SIK3: variants seen among roughly 807,000 people sequenced by gnomAD.
SIK3 encodes SIK family kinase 3, also known as serine/threonine-protein kinase SIK3.
SIK3 carries 28 observed loss-of-function variants against 144.2 expected under a neutral mutation model. That is an observed-to-expected ratio of 0.19 (90% CI 0.14 to 0.27). SIK3 has a LOEUF of 0.27. Ranked by LOEUF, SIK3 falls within the 10% of genes least tolerant of loss-of-function variation. The pLI is 1.00. For missense variants in SIK3, 1,319 were observed against 1,776.0 expected, an observed-to-expected ratio of 0.74 and a Z score of 4.62; for synonymous variants, 686 against 676.3, an observed-to-expected ratio of 1.01 and a Z score of -0.22.
At position 117,030,106 on chromosome 11, in the gene SIK3, C is replaced by T. The variant is rs116566236; in HGVS notation, c.273+68037G>A. Among the ~76,000 whole-genome samples the T allele has an allele frequency of 3.5e-3, 531 of 152,124 alleles. 5 individuals are homozygous for T. The highest frequency in any genetic ancestry group is 0.012 in the African/African-American group (512 of 41,502). On this transcript the variant is annotated intron_variant, in intron 1 of 24. Transcript: ENST00000445177. The stretch of plus-strand genomic sequence containing the variant: ...GGAAACCTTGAGTGAAGGTGAGTAA[C>T]ATGAACATTTATTTTCCTAGAGAAA...
intron 1 of SIK3, among the ~76,000 whole-genome samples, chr11:117,043,880 T>C (rs1160400500): frequency 6.6e-6 from 1 of 152,244 alleles, no homozygotes; most frequent in Non-Finnish European, 1.5e-5. Flanking sequence ...TAACATTTAG[T>C]GCAGTACCTG....
Position 116,896,343 on chromosome 11 carries a change from C to T in SIK3, c.775G>A (p.Gly259Ser). ...GTGCTTCCATCAAATGGCAGGGCAC[C>T]GCACACAAGCACGTAGAGGACAACT... ...LGVVLYVLVC[G>S]ALPFDGSTLQ... is the part of the protein sequence containing the mutation. Residue 259 changes from glycine (G) to serine (S), a missense_variant, in exon 6 of 25, where the codon GGT (glycine) becomes AGT (serine). Physicochemically the swap from Gly to Ser is moderately conservative, Grantham distance 56. This residue lies in a region of SIK3 where 125 missense variants were observed against 285.2 expected (regional missense o/e 0.44). Coordinates refer to ENST00000445177, the MANE Select transcript of SIK3 (RefSeq NM_001366686.3). 1.2e-6 allele frequency: 2 copies of T among 1,613,926 alleles called. No homozygotes were observed. Among genetic ancestry groups the T allele is most frequent in the Non-Finnish European group, 1.7e-6 (2 of 1,179,908 alleles).
At chr11:116,873,352 G>T in intron 13 of SIK3, 129 bp downstream of exon 13, 2 of 1,255,548 alleles carry the variant, frequency 1.6e-6, no homozygotes, top group Non-Finnish European at 1.1e-6. Flanking sequence ...AAATGGGCTG[G>T]AGCATCCTAA....
At chr11:116,953,103 AACACACAC>A in intron 3 of SIK3, among the ~76,000 whole-genome samples, 1 of 151,366 alleles carries the variant, frequency 6.6e-6, no homozygotes, top group South Asian at 2.1e-4. Flanking sequence ...TAAAAACACA[AACACACAC>A]ACACACACAT....
In SIK3 at chr11:116,863,692, G is replaced by A; in HGVS notation, c.2079C>T (p.Asn693=). 7 of 1,614,160 alleles carry A rather than the reference G, an allele frequency of 4.3e-6. No homozygotes were observed. The highest frequency in any genetic ancestry group is 2.2e-5 in the South Asian group (2 of 91,082). The change falls in exon 16 of 25, where the codon AAC becomes AAT. Residue 693 remains asparagine (N), a synonymous_variant. Transcript: ENST00000445177. ...FKAHLEKMGN[N]SSIKQLQQEC... is the part of the protein sequence containing the mutation. ...CCTGCTGCAGCTGTTTGATGCTGCT[G>A]TTGTTGCCCATTTTTTCCAGGTGAG...
intron 1 of SIK3, among the ~76,000 whole-genome samples, chr11:116,976,433 TC>T (rs1360802928): frequency 6.6e-6 from 1 of 152,250 alleles, no homozygotes; most frequent in Non-Finnish European, 1.5e-5. Flanking sequence ...CCAACTTCAT[TC>T]TTTTGAACAT....
chr11:116,936,890 G>C (rs954779276), intron 3 of SIK3, among the ~76,000 whole-genome samples: 1 of 152,144 alleles, frequency 6.6e-6, no homozygotes, highest in African/African-American at 2.4e-5. Context: ...CTTCTTGCTG[G>C]AATGCCTGTC....
chr11:116,903,103 C>T lies in SIK3; in HGVS notation c.617-5786G>A, dbSNP rs570499032. ...TTATTTTCTGAACATTTAAATTATC[C>T]GTGTGGGAAAGCCTCAAATTATTAC... is the stretch of plus-strand genomic sequence containing the variant. On this transcript the variant is annotated intron_variant, in intron 4 of 24. Transcript: ENST00000445177. Among the ~76,000 whole-genome samples, 19 of 152,180 alleles carry T rather than the reference C, an allele frequency of 1.2e-4. No individual in the cohort carries two copies. The East Asian group carries it at 3.5e-3, about 28-fold the overall frequency.
At chr11:117,047,919 G>A (rs1302977333) in intron 1 of SIK3, among the ~76,000 whole-genome samples, 1 of 152,108 alleles carries the variant, frequency 6.6e-6, no homozygotes, top group Non-Finnish European at 1.5e-5. Flanking sequence ...AAGCAAGATG[G>A]TGAATGTAAA....
chr11:117,004,999 G>A (rs1950987750), intron 1 of SIK3, among the ~76,000 whole-genome samples: 1 of 152,286 alleles, frequency 6.6e-6, no homozygotes, highest in East Asian at 1.9e-4. Flanking sequence ...GTCTCATACA[G>A]CTAGTTAAGG....
At chr11:116,859,923 T>G (rs1223503930) in intron 19 of SIK3, among the ~76,000 whole-genome samples, 1 of 152,158 alleles carries the variant, frequency 6.6e-6, no homozygotes, top group Non-Finnish European at 1.5e-5. Context: ...AACTTTCACA[T>G]GCACACAAAT....
chr11:116,918,469 A>T (rs1416759937), intron 4 of SIK3, among the ~76,000 whole-genome samples: 3 of 151,546 alleles, frequency 2.0e-5, no homozygotes, highest in Non-Finnish European at 2.9e-5. Flanking sequence ...TCTATTCCCA[A>T]CCTCTCATTC....
At chr11:117,028,632 C>G (rs1278015240) in intron 1 of SIK3, among the ~76,000 whole-genome samples, 3 of 149,106 alleles carry the variant, frequency 2.0e-5, no homozygotes, top group Non-Finnish European at 4.5e-5. Context: ...AGAAGCATGT[C>G]AAGGAAAAAA....
At chr11:117,025,339 CA>C (rs1951964084) in intron 1 of SIK3, among the ~76,000 whole-genome samples, 1 of 152,160 alleles carries the variant, frequency 6.6e-6, no homozygotes, top group Admixed American at 6.5e-5. Flanking sequence ...TGATAAAAAT[CA>C]ATGCTAGTTC....
Position 117,010,877 on chromosome 11 carries a change from T to C in SIK3, c.274-53813A>G, listed in dbSNP as rs146333020. ...GCTCATACCTGTAATCCCAGCACTT[T>C]GGAAGGCCGAGGTGGCTGGGTCACT... is the stretch of plus-strand genomic sequence containing the variant. On this transcript the variant is annotated intron_variant, in intron 1 of 24. Transcript: ENST00000445177. Among the ~76,000 whole-genome samples, 1,066 of 152,318 alleles carry C rather than the reference T, an allele frequency of 7.0e-3. 11 individuals carry two copies. The highest frequency in any genetic ancestry group is 0.024 in the African/African-American group (991 of 41,568).
Position 116,863,742 on chromosome 11 carries a change from C to T in SIK3, c.2029G>A (p.Ala677Thr). The T allele has an allele frequency of 6.2e-7, 1 of 1,614,152 alleles. No individual in the cohort carries two copies. The highest frequency in any genetic ancestry group is 8.5e-7 in the Non-Finnish European group (1 of 1,180,030). ...FSPVRRFSDG[A>T]ASIQAFKAHL... The stretch of plus-strand genomic sequence containing the variant: ...GCTTTGAAGGCCTGGATGCTCGCAG[C>T]CCCATCTGAGAACCGGCGCACAGGG... The change falls in exon 16 of 25, where the codon GCT becomes ACT. Residue 677 changes from alanine (A) to threonine (T), a missense_variant. By Grantham distance (58) the Ala-to-Thr change is moderately conservative. Coordinates refer to ENST00000445177, the MANE Select transcript of SIK3 (RefSeq NM_001366686.3).
intron 1 of SIK3, among the ~76,000 whole-genome samples, chr11:117,029,451 T>C (rs1013613345): frequency 6.6e-6 from 1 of 152,116 alleles, no homozygotes; most frequent in South Asian, 2.1e-4. Flanking sequence ...AGCCAGACCC[T>C]GTCTCAAAAA....
chr11:117,070,897 C>A (rs61903398), intron 1 of SIK3, among the ~76,000 whole-genome samples: 1 of 151,342 alleles, frequency 6.6e-6, no homozygotes, highest in Non-Finnish European at 1.5e-5. Flanking sequence ...GGATTACAGG[C>A]CCCCGCCACC....
chr11:116,908,392 T>C (rs1185408542), intron 4 of SIK3, among the ~76,000 whole-genome samples: 5 of 152,126 alleles, frequency 3.3e-5, no homozygotes, highest in East Asian at 3.9e-4. Context: ...GGCAAGAGGA[T>C]TGCCTGAGCC....
Sources: gnomAD v4.1 joint callset for allele counts (sites outside exome capture counted in the v4.1 genomes callset) on GRCh38, gnomAD v4.1.1 for gene constraint, gnomAD v4.1.1 regional missense constraint, MANE v1.5 for transcripts, NCBI Gene and HGNC (gene_info 2026-07-23, HGNC 2026-07-21) for gene names.